PDCL2: variants seen among roughly 807,000 people sequenced by gnomAD.
The protein encoded by PDCL2 is phosducin-like protein 2.
In PDCL2, 23 loss-of-function variants were observed where a neutral mutation model predicts 30.3. The ratio of observed to expected loss-of-function variants is 0.76; its 90% CI spans 0.55 to 1.08. The LOEUF is 1.08. Ranked by LOEUF, PDCL2 falls within the 50% of genes least tolerant of loss-of-function variation. PDCL2 has a pLI of 0.00. For synonymous variants in PDCL2, 68 were observed against 86.2 expected, an observed-to-expected ratio of 0.79 and a Z score of 1.17; for missense variants, 243 against 282.3, an observed-to-expected ratio of 0.86 and a Z score of 1.00.
intron 5 of PDCL2, among the ~76,000 whole-genome samples, chr4:55,562,046 T>C (rs1732149006): frequency 7.3e-6 from 1 of 137,654 alleles, no homozygotes; most frequent in Non-Finnish European, 1.7e-5. Context: ...AAGCAGAGAA[T>C]GTGTAAAAAA....
chr4:55,588,797 TG>T (rs1486799640), intron 1 of PDCL2, among the ~76,000 whole-genome samples: 1 of 152,088 alleles, frequency 6.6e-6, no homozygotes, highest in Non-Finnish European at 1.5e-5. Context: ...AAAATATGTG[TG>T]GGTTTATTTC....
intron 4 of PDCL2, among the ~76,000 whole-genome samples, chr4:55,563,770 G>C (rs1473448658): frequency 6.6e-6 from 1 of 152,192 alleles, no homozygotes; most frequent in Non-Finnish European, 1.5e-5. Flanking sequence ...GGGTAAATCA[G>C]GTTACAGTGA....
Position 55,556,678 on chromosome 4 carries a change from A to T in PDCL2, c.605T>A (p.Ile202Lys). 1 of 1,564,688 alleles carries T rather than the reference A, an allele frequency of 6.4e-7. No individual in the cohort carries two copies. Among genetic ancestry groups the T allele is most frequent in the Non-Finnish European group, 8.7e-7 (1 of 1,153,756 alleles). The change falls in exon 6 of 6, where the codon ATA (isoleucine) becomes AAA (lysine). Residue 202 changes from isoleucine (I) to lysine (K), a missense_variant. Ile to Lys is a moderately radical substitution (Grantham distance 102). Coordinates refer to ENST00000295645, the MANE Select transcript of PDCL2 (RefSeq NM_152401.3). ...LEWKLAEVGA[I>K]QTDLEENPRK... ...GGGGTTTTCTTCCAAATCAGTCTGT[A>T]TTGCTCCAACTTCTGCTAGCTTCCA...
At chr4:55,580,772 A>G in intron 3 of PDCL2, 49 bp downstream of exon 3, 1 of 1,336,350 alleles carries the variant, frequency 7.5e-7, no homozygotes, top group Non-Finnish European at 1.0e-6. Context: ...TTTTATTCTT[A>G]TTATACTTCA....
chr4:55,580,185 C>A (rs1333612201), intron 3 of PDCL2, among the ~76,000 whole-genome samples: 1 of 152,170 alleles, frequency 6.6e-6, no homozygotes, highest in East Asian at 1.9e-4. Flanking sequence ...TGCATTCCTG[C>A]AATCAATACT....
intron 3 of PDCL2, among the ~76,000 whole-genome samples, chr4:55,573,048 G>A (rs755987334): frequency 2.6e-5 from 4 of 152,080 alleles, no homozygotes; most frequent in African/African-American, 9.7e-5. Context: ...ATGAGCCACC[G>A]CGCCCGGCTG....
chr4:55,557,892 G>C (rs1732013399), intron 5 of PDCL2, among the ~76,000 whole-genome samples: 1 of 150,734 alleles, frequency 6.6e-6, no homozygotes, highest in African/African-American at 2.5e-5. Context: ...GATCACCTGA[G>C]GTAAGGAGTT....
chr4:55,581,998 T>C lies in PDCL2; in HGVS notation c.127+119A>G, dbSNP rs530008846. On this transcript the variant is annotated intron_variant, in intron 2 of 5. Coordinates refer to ENST00000295645, the MANE Select transcript of PDCL2 (RefSeq NM_152401.3). ...CTGGGATTACAGGTGTGAGCCACCA[T>C]GCCCAGCCTATACTAAATGATTTCT... 2.2e-5 allele frequency: 30 copies of C among 1,369,320 alleles called. No homozygotes were observed. In the African/African-American group the frequency reaches 3.8e-4, roughly 17 times the overall value. The allele number at this position is 1,369,320 out of a possible 1,614,324, so 84.8% of individuals were successfully genotyped here.
chr4:55,564,035 C>T (rs922058118), intron 4 of PDCL2, among the ~76,000 whole-genome samples: 2 of 152,184 alleles, frequency 1.3e-5, no homozygotes, highest in East Asian at 3.9e-4. Flanking sequence ...GACAGCTTTA[C>T]GGGGTTACTT....
chr4:55,569,682 T>A (rs28445925), intron 4 of PDCL2, 36 bp downstream of exon 4: 5 of 1,419,996 alleles, frequency 3.5e-6, no homozygotes, highest in Non-Finnish European at 4.7e-6. Flanking sequence ...TTTAAAATAG[T>A]AGTATATTAA....
chr4:55,591,527 C>T (rs1427424626), intron 1 of PDCL2, among the ~76,000 whole-genome samples: 2 of 152,190 alleles, frequency 1.3e-5, no homozygotes, highest in East Asian at 1.9e-4. Context: ...GCTGGGGCTA[C>T]AGGCGCACGC....
At chr4:55,577,063 A>AATTTTTGTATTTT (rs1264353875) in intron 3 of PDCL2, among the ~76,000 whole-genome samples, 3 of 152,034 alleles carry the variant, frequency 2.0e-5, no homozygotes, top group Non-Finnish European at 4.4e-5. Flanking sequence ...ACACCCAACT[A>AATTTTTGTATTTT]ATTTTTGTAT....
chr4:55,584,239 T>G (rs1732801591), intron 1 of PDCL2, among the ~76,000 whole-genome samples: 1 of 126,414 alleles, frequency 7.9e-6, no homozygotes, highest in African/African-American at 3.1e-5. Context: ...TACTAGTTTT[T>G]TTTTGTTGTT....
At chr4:55,584,039 T>C (rs1029261836) in intron 1 of PDCL2, among the ~76,000 whole-genome samples, 1 of 152,244 alleles carries the variant, frequency 6.6e-6, no homozygotes, top group Non-Finnish European at 1.5e-5. Context: ...TCCATGAACA[T>C]GGAATATCTT....
intron 3 of PDCL2, among the ~76,000 whole-genome samples, chr4:55,576,018 A>G (rs529865605): frequency 6.6e-6 from 1 of 152,318 alleles, no homozygotes; most frequent in East Asian, 1.9e-4. Context: ...AGTTAACTAC[A>G]TAGGGAAATA....
Position 55,564,562 on chromosome 4 carries a change from G to A in PDCL2, c.363-1950C>T, listed in dbSNP as rs1242957454. ...AAATTAGAATTGGGGTACAGGCATAGATTAAATAGAATTGGGGTACAGGGT... is the reference window on the plus strand; with the variant it reads ...AAATTAGAATTGGGGTACAGGCATAAATTAAATAGAATTGGGGTACAGGGT... On this transcript the variant is annotated intron_variant, in intron 4 of 5. Coordinates refer to ENST00000295645, the MANE Select transcript of PDCL2 (RefSeq NM_152401.3). Among the ~76,000 whole-genome samples the A allele has an allele frequency of 2.0e-5, 3 of 152,260 alleles. No individual in the cohort carries two copies. The East Asian group carries it at 5.8e-4, about 29-fold the overall frequency.
In PDCL2 at chr4:55,592,134, G is replaced by T. The variant is rs748968180; in HGVS notation, c.-25C>A. 3 of 1,608,384 alleles carry T rather than the reference G, an allele frequency of 1.9e-6. No homozygotes were observed. The highest frequency in any genetic ancestry group is 2.5e-6 in the Non-Finnish European group (3 of 1,177,970). On this transcript the variant is annotated 5_prime_UTR_variant, in exon 1 of 6. Coordinates refer to ENST00000295645, the MANE Select transcript of PDCL2 (RefSeq NM_152401.3). ...TGATGCGCTGCTCTGCCCCTCAAGA[G>T]CCCGCGTCGTCCTGCAGCTGGCGAG... is the stretch of plus-strand genomic sequence containing the variant.
intron 5 of PDCL2, among the ~76,000 whole-genome samples, chr4:55,557,450 A>G (rs1357378355): frequency 6.6e-6 from 1 of 152,136 alleles, no homozygotes; most frequent in East Asian, 1.9e-4. Context: ...GGCTGAACTC[A>G]CTTTTAAAAC....
chr4:55,572,402 G>A (rs1191061437), intron 3 of PDCL2, among the ~76,000 whole-genome samples: 1 of 152,196 alleles, frequency 6.6e-6, no homozygotes, highest in African/African-American at 2.4e-5. Context: ...CCAGAAACTA[G>A]GGAATCTGGA....
Sources: gnomAD v4.1 joint callset for allele counts (sites outside exome capture counted in the v4.1 genomes callset) on GRCh38, gnomAD v4.1.1 for gene constraint, MANE v1.5 for transcripts, NCBI Gene and HGNC (gene_info 2026-07-23, HGNC 2026-07-21) for gene names.